TTC28: variants seen among roughly 807,000 people sequenced by gnomAD.
TTC28 encodes the protein tetratricopeptide repeat domain 28.
TTC28 carries 61 observed loss-of-function variants against 198.0 expected under a neutral mutation model. That is an observed-to-expected ratio of 0.31 (90% CI 0.25 to 0.38). The LOEUF (loss-of-function observed/expected upper bound fraction) is 0.38. TTC28 is among the 10% of genes least tolerant of loss of function. TTC28 has a pLI of 1.00. For missense variants in TTC28, 2,678 were observed against 3,164.0 expected, an observed-to-expected ratio of 0.85 and a Z score of 3.69; for synonymous variants, 1,171 against 1,297.8, an observed-to-expected ratio of 0.90 and a Z score of 2.10.
chr22:28,141,063 A>G (rs904898756), intron 6 of TTC28, among the ~76,000 whole-genome samples: 3 of 152,188 alleles, frequency 2.0e-5, no homozygotes, highest in African/African-American at 7.2e-5. Flanking sequence ...ACACATTCAG[A>G]GAGACCCAAC....
intron 2 of TTC28, among the ~76,000 whole-genome samples, chr22:28,572,034 T>C (rs991023646): frequency 4.0e-5 from 6 of 151,254 alleles, no homozygotes; most frequent in Non-Finnish European, 5.9e-5. Context: ...GAGAAACTCA[T>C]TGTATAAAGA....
intron 5 of TTC28, among the ~76,000 whole-genome samples, chr22:28,239,586 T>C (rs1025318200): frequency 2.0e-5 from 3 of 152,154 alleles, no homozygotes; most frequent in Admixed American, 6.5e-5. Flanking sequence ...TTTTACCAAA[T>C]GCCAAAGGCT....
intron 2 of TTC28, among the ~76,000 whole-genome samples, chr22:28,567,406 A>AAT (rs1285115868): frequency 1.4e-5 from 2 of 143,440 alleles, no homozygotes; most frequent in Admixed American, 1.4e-4. Flanking sequence ...AAAAGAAAAA[A>AAT]ATATATATAT....
At chr22:28,052,232 T>C (rs1347900309) in intron 12 of TTC28, among the ~76,000 whole-genome samples, 1 of 152,212 alleles carries the variant, frequency 6.6e-6, no homozygotes, top group African/African-American at 2.4e-5. Flanking sequence ...TGTGGTGCAT[T>C]CTGTACTTGA....
At chr22:28,062,424 T>C (rs1940583261) in intron 12 of TTC28, among the ~76,000 whole-genome samples, 1 of 150,984 alleles carries the variant, frequency 6.6e-6, no homozygotes. Flanking sequence ...TTTTTTTTTT[T>C]TTTTTTTTGG....
Position 28,107,995 on chromosome 22 carries a change from T to C in TTC28, c.1850A>G (p.Tyr617Cys), listed in dbSNP as rs1258690762. 2 of 1,551,414 alleles carry C rather than the reference T, an allele frequency of 1.3e-6. No individual in the cohort carries two copies. The highest frequency in any genetic ancestry group is 2.4e-5 in the East Asian group (1 of 40,922). ...RGEYVQAAPY[Y>C]EQYLRLAPDL... ...GGGAGCAAGCCGGAGGTACTGTTCA[T>C]AATAGGGGGCAGCCTGGACATACTC... Residue 617 changes from tyrosine to cysteine, a missense_variant, in exon 7 of 23, where the codon TAT becomes TGT. Physicochemically the swap from Tyr to Cys is radical, Grantham distance 194 (BLOSUM62 -2). This residue lies in a region of TTC28 where 775 missense variants were observed against 845.9 expected (regional missense o/e 0.92). Transcript: ENST00000397906.
At chr22:28,094,667 CA>C (rs1941919111) in intron 11 of TTC28, among the ~76,000 whole-genome samples, 1 of 152,054 alleles carries the variant, frequency 6.6e-6, no homozygotes, top group Non-Finnish European at 1.5e-5. Context: ...AATTGTGTTC[CA>C]ACAGAGCTTT....
chr22:28,588,851 T>C (rs976853559), intron 2 of TTC28, among the ~76,000 whole-genome samples: 1 of 152,186 alleles, frequency 6.6e-6, no homozygotes, highest in African/African-American at 2.4e-5. Context: ...AATTTTGTTA[T>C]AACATTTCAA....
rs11362041 is a variant in TTC28 at position 28,043,242 on chromosome 22, C to CAAAAAAAAAAAAAAAAAAAAAAA, written c.3933-12899_3933-12877dup. On this transcript the variant is annotated intron_variant, in intron 12 of 22. Transcript: ENST00000397906. ...TGCATAACAGAGTAAGACTCCATCT[C>CAAAAAAAAAAAAAAAAAAAAAAA]AAAAAAAAAAAAAAAAAAAAAAAAA... Among the ~76,000 whole-genome samples the CAAAAAAAAAAAAAAAAAAAAAAA allele has an allele frequency of 2.6e-4, 17 of 65,568 alleles. 2 individuals are homozygous for CAAAAAAAAAAAAAAAAAAAAAAA. Among genetic ancestry groups the CAAAAAAAAAAAAAAAAAAAAAAA allele is most frequent in the Non-Finnish European group, 3.1e-4 (11 of 35,432 alleles). 43.0% of individuals were successfully genotyped at this position (65,568 alleles called of 152,430 possible). A position where few individuals can be genotyped will look rare whatever the true frequency, so the allele number is the denominator to read the frequency against.
intron 2 of TTC28, among the ~76,000 whole-genome samples, chr22:28,483,857 T>C (rs1253889248): frequency 1.3e-5 from 2 of 152,234 alleles, no homozygotes; most frequent in African/African-American, 4.8e-5. Context: ...GTTCCTGCTT[T>C]ACCACCTTGG....
intron 12 of TTC28, among the ~76,000 whole-genome samples, chr22:28,073,703 G>A (rs956229241): frequency 4.6e-5 from 7 of 152,184 alleles, no homozygotes; most frequent in South Asian, 4.1e-4. Flanking sequence ...GGCTTGATAC[G>A]AGATTTGCTT....
At chr22:28,655,194 A>G (rs1385737766) in intron 1 of TTC28, among the ~76,000 whole-genome samples, 1 of 152,228 alleles carries the variant, frequency 6.6e-6, no homozygotes, top group African/African-American at 2.4e-5. Flanking sequence ...AACACTGAAC[A>G]TAATAAAAGA....
chr22:28,542,352 A>C (rs2049432294), intron 2 of TTC28, among the ~76,000 whole-genome samples: 1 of 152,162 alleles, frequency 6.6e-6, no homozygotes, highest in Non-Finnish European at 1.5e-5. Flanking sequence ...AATCGGAGCC[A>C]CAGAAGGTGA....
At chr22:28,304,370 G>GATGATGCACAGAACAATACTGTGCA (rs2045093494) in intron 3 of TTC28, among the ~76,000 whole-genome samples, 1 of 152,108 alleles carries the variant, frequency 6.6e-6, no homozygotes, top group Non-Finnish European at 1.5e-5. Context: ...TAAGATGTGG[G>GATGATGCACAGAACAATACTGTGCA]ATGATGCACA....
intron 12 of TTC28, among the ~76,000 whole-genome samples, chr22:28,053,891 T>C (rs1255641893): frequency 6.6e-6 from 1 of 152,196 alleles, no homozygotes; most frequent in Non-Finnish European, 1.5e-5. Context: ...CAAAAAATAA[T>C]GACTGTTCCT....
At chr22:28,626,857 C>G (rs2051084010) in intron 2 of TTC28, among the ~76,000 whole-genome samples, 1 of 151,836 alleles carries the variant, frequency 6.6e-6, no homozygotes, top group African/African-American at 2.4e-5. Flanking sequence ...TATAAATTAT[C>G]CTAAAAGGGT....
intron 13 of TTC28, among the ~76,000 whole-genome samples, chr22:28,019,411 G>A (rs558514535): frequency 1.3e-5 from 2 of 152,324 alleles, no homozygotes; most frequent in African/African-American, 4.8e-5. Context: ...ACAGTTAGGT[G>A]CAGGCTCAGC....
chr22:28,673,370 A>C (rs2051921762), intron 1 of TTC28, among the ~76,000 whole-genome samples: 2 of 150,018 alleles, frequency 1.3e-5, no homozygotes, highest in African/African-American at 4.9e-5. Flanking sequence ...ACTCCGTCTC[A>C]AAAAAAAAAG....
intron 2 of TTC28, among the ~76,000 whole-genome samples, chr22:28,485,782 T>G (rs1209890469): frequency 6.6e-6 from 1 of 152,130 alleles, no homozygotes; most frequent in East Asian, 1.9e-4. Flanking sequence ...TCACAAAGAT[T>G]GAGTAACAAA....
Sources: gnomAD v4.1 joint callset for allele counts (sites outside exome capture counted in the v4.1 genomes callset) on GRCh38, gnomAD v4.1.1 for gene constraint, gnomAD v4.1.1 regional missense constraint, MANE v1.5 for transcripts, NCBI Gene and HGNC (gene_info 2026-07-23, HGNC 2026-07-21) for gene names.